The following AP5M1 variants were observed in gnomAD, a reference collection of about 807,000 sequenced individuals.
The protein encoded by AP5M1 is AP-5 complex subunit mu-1.
A neutral mutation model predicts 52.3 loss-of-function variants in AP5M1; 44 were observed. The ratio of observed to expected loss-of-function variants is 0.84; its 90% CI spans 0.66 to 1.08. The LOEUF is 1.08. Among genes scored for constraint, AP5M1 ranks in the 50% least tolerant of loss-of-function variants. The pLI, the probability that AP5M1 is intolerant of heterozygous loss-of-function variation, is 0.00. For missense variants in AP5M1, 526 were observed against 568.4 expected (o/e 0.93, Z 0.76); for synonymous variants, 213 against 199.0 (o/e 1.07, Z -0.59).
chr14:57,283,670 C>A (rs1297817031), intron 6 of AP5M1, among the ~76,000 whole-genome samples: 1 of 152,136 alleles, frequency 6.6e-6, no homozygotes, highest in African/African-American at 2.4e-5. Flanking sequence ...TAGTCTAATT[C>A]TACTCAGCTC....
chr14:57,286,104 GTTT>G, intron 6 of AP5M1, 116 bp from the exon 7 acceptor site: 4 of 664,398 alleles, frequency 6.0e-6, no homozygotes, highest in Non-Finnish European at 1.1e-5. Context: ...AGTACTTGTG[GTTT>G]TTATTTTGTG....
Position 57,288,936 on chromosome 14 carries a change from A to G in AP5M1, c.*52A>G, listed in dbSNP as rs763457730. On this transcript the variant is annotated 3_prime_UTR_variant, in exon 8 of 8. Transcript: ENST00000261558. The stretch of plus-strand genomic sequence containing the variant: ...TAATGATAACAGTTTAAAGAAAATC[A>G]TAATCTTATATTTTTAATGTGGATG... 5 of 1,125,080 alleles carry G rather than the reference A, an allele frequency of 4.4e-6. No individual in the cohort carries two copies. The highest frequency in any genetic ancestry group is 3.2e-5 in the African/African-American group (2 of 62,416). The allele number at this position is 1,125,080 out of a possible 1,614,324, so 69.7% of individuals were successfully genotyped here.
At chr14:57,269,540 A>G (rs1044870088) in intron 1 of AP5M1, 152 bp downstream of exon 1, 47 of 666,704 alleles carry the variant, frequency 7.0e-5, no homozygotes, top group Non-Finnish European at 1.2e-4. Flanking sequence ...TGTTAAATGG[A>G]GATTTTAATA....
chr14:57,269,196 A>T lies in AP5M1; in HGVS notation c.-119A>T, dbSNP rs140243229. 1,194 of 943,846 alleles carry T rather than the reference A, an allele frequency of 1.3e-3. 11 individuals are homozygous for T. In the African/African-American group the frequency reaches 0.016, roughly 13 times the overall value. 58.5% of individuals were successfully genotyped at this position (943,846 alleles called of 1,614,324 possible). A position where few individuals can be genotyped will look rare whatever the true frequency, so the allele number is the denominator to read the frequency against. On this transcript the variant is annotated 5_prime_UTR_variant, in exon 1 of 8. It removes an upstream start codon present in the reference 5' UTR. Coordinates refer to ENST00000261558, the MANE Select transcript of AP5M1 (RefSeq NM_018229.4). The stretch of plus-strand genomic sequence containing the variant: ...AACCTCTCTGCTGAGCGCGACCGGT[A>T]TGCGGCGCAGGATGAGCCTCAGGGC...
At chr14:57,281,675 G>A (rs549274928) in intron 3 of AP5M1, among the ~76,000 whole-genome samples, 27 of 152,356 alleles carry the variant, frequency 1.8e-4, no homozygotes, top group African/African-American at 6.5e-4. Flanking sequence ...CCTACAAGTT[G>A]TTTCCTCTTC....
intron 6 of AP5M1, among the ~76,000 whole-genome samples, chr14:57,283,738 C>T (rs1256767271): frequency 6.6e-6 from 1 of 152,188 alleles, no homozygotes; most frequent in Non-Finnish European, 1.5e-5. Context: ...ATAATCCCAG[C>T]ACTTTGGGAG....
chr14:57,283,977 ACT>A (rs1157911515), intron 6 of AP5M1, among the ~76,000 whole-genome samples: 1 of 152,136 alleles, frequency 6.6e-6, no homozygotes, highest in African/African-American at 2.4e-5. Flanking sequence ...ATAGAGTAAG[ACT>A]CTGTCTCAAA....
rs1273152345 is a variant in AP5M1 at position 57,280,328 on chromosome 14, T to G, written c.854T>G (p.Ile285Ser). The G allele has an allele frequency of 5.0e-6, 8 of 1,613,902 alleles. No homozygotes were observed. Among genetic ancestry groups the G allele is most frequent in the Admixed American group, 1.7e-5 (1 of 60,006 alleles). ...TCTGCAATTCTGACTTCTAGTAGTA[T>G]TGATGCAATGGATGACTCTGCATTT... ...LDSAILTSSS[I>S]DAMDDSAFSG... is the part of the protein sequence containing the mutation. The change falls in exon 3 of 8, where the codon ATT becomes AGT. Residue 285 changes from isoleucine (I) to serine (S), a missense_variant. By Grantham distance (142) the Ile-to-Ser change is moderately radical. Coordinates refer to ENST00000261558, the MANE Select transcript of AP5M1 (RefSeq NM_018229.4).
At chr14:57,282,841 C>T in intron 4 of AP5M1, 93 bp from the exon 5 acceptor site, 1 of 724,544 alleles carries the variant, frequency 1.4e-6, no homozygotes. Flanking sequence ...TTATGCTGTC[C>T]TTGTATTAAG....
rs1345521955 is a variant in AP5M1, at chr14:57,269,200, G to A, written c.-115G>A. On this transcript the variant is annotated 5_prime_UTR_variant, in exon 1 of 8. Transcript: ENST00000261558. ...TCTCTGCTGAGCGCGACCGGTATGC[G>A]GCGCAGGATGAGCCTCAGGGCTTCT... 3.1e-6 allele frequency: 3 copies of A among 982,200 alleles called. No homozygotes were observed. Among genetic ancestry groups the A allele is most frequent in the Non-Finnish European group, 4.7e-6 (3 of 644,228 alleles). 60.8% of individuals were successfully genotyped at this position (982,200 alleles called of 1,614,324 possible).
rs138142788 is a variant in AP5M1 at position 57,285,873 on chromosome 14, C to A, written c.1294-350C>A. The stretch of plus-strand genomic sequence containing the variant: ...GGTAAGGTCTGAGTTCAAATGCCAG[C>A]TCTGCTGCTTACGTGCTGGGATACC... On this transcript the variant is annotated intron_variant, in intron 6 of 7. Coordinates refer to ENST00000261558, the MANE Select transcript of AP5M1 (RefSeq NM_018229.4). Among the ~76,000 whole-genome samples, 27 of 152,224 alleles carry A rather than the reference C, an allele frequency of 1.8e-4. 1 individual carries two copies. The East Asian group carries it at 4.8e-3, about 27-fold the overall frequency.
In AP5M1 at chr14:57,274,908, A is replaced by C. The variant is rs555580108; in HGVS notation, c.720+19A>C. The C allele has an allele frequency of 4.3e-5, 69 of 1,613,762 alleles. 1 individual carries two copies. Among genetic ancestry groups the C allele is most frequent in the Admixed American group, 4.2e-4 (25 of 60,008 alleles). ...TTGCAAGGTGAGATTTTTCTCTGGT[A>C]CTTGCTTTATCGTTTTATTTAACAT... On this transcript the variant is annotated intron_variant, in intron 2 of 7. Transcript: ENST00000261558.
intron 4 of AP5M1, among the ~76,000 whole-genome samples, chr14:57,282,613 A>C (rs1342551581): frequency 6.6e-6 from 1 of 152,204 alleles, no homozygotes; most frequent in East Asian, 1.9e-4. Context: ...TCTGTAGCAT[A>C]GTTTTTTGTC....
In AP5M1 at chr14:57,295,480, A is replaced by G. The variant is rs1441170882; in HGVS notation, c.*6596A>G. The G allele has an allele frequency of 6.6e-6, 1 of 151,950 alleles. No individual in the cohort carries two copies. The highest frequency in any genetic ancestry group is 2.4e-5 in the African/African-American group (1 of 41,414). The allele number at this position is 151,950 out of a possible 1,614,324, so 9.4% of individuals were successfully genotyped here. ...AAACATTATTAAAGTGAATGTTTAC[A>G]TTGTGTTTATTGAAGTGTTGAAAGA... On this transcript the variant is annotated 3_prime_UTR_variant, in exon 8 of 8. Transcript: ENST00000261558.
chr14:57,283,500 G>T (rs1306655921), intron 6 of AP5M1, among the ~76,000 whole-genome samples: 1 of 152,142 alleles, frequency 6.6e-6, no homozygotes, highest in Non-Finnish European at 1.5e-5. Context: ...GAGGTGGGAG[G>T]ATCGCTCAAG....
At chr14:57,282,024 A>G in intron 3 of AP5M1, 65 bp from the exon 4 acceptor site, 2 of 1,361,734 alleles carry the variant, frequency 1.5e-6, no homozygotes, top group South Asian at 1.5e-5. Flanking sequence ...CTCTTTTCTC[A>G]GTTACTTTTG....
At position 57,288,972 on chromosome 14, in the gene AP5M1, G is replaced by A; in HGVS notation, c.*88G>A. Reference sequence around the variant, plus strand: ...TTTTTAATGTGGATGCATATAACCTGTGAGTGAAAAATCACTGAATGATTT... The same window carrying A: ...TTTTTAATGTGGATGCATATAACCTATGAGTGAAAAATCACTGAATGATTT... On this transcript the variant is annotated 3_prime_UTR_variant, in exon 8 of 8. Transcript: ENST00000261558. The A allele has an allele frequency of 1.3e-6, 1 of 743,178 alleles. No individual in the cohort carries two copies. The highest frequency in any genetic ancestry group is 2.9e-5 in the Admixed American group (1 of 34,514). The allele number at this position is 743,178 out of a possible 1,614,324, so 46.0% of individuals were successfully genotyped here. A position where few individuals can be genotyped will look rare whatever the true frequency, so the allele number is the denominator to read the frequency against.
At chr14:57,286,666 C>A in intron 7 of AP5M1, 1 of 181,506 alleles carries the variant, frequency 5.5e-6, no homozygotes, top group Non-Finnish European at 1.1e-5. Flanking sequence ...AGCTGTATAA[C>A]TTTGGGCAAG....
intron 7 of AP5M1, among the ~76,000 whole-genome samples, chr14:57,287,233 A>T (rs1338387053): frequency 6.6e-6 from 1 of 152,100 alleles, no homozygotes; most frequent in Non-Finnish European, 1.5e-5. Flanking sequence ...ACACATTTTT[A>T]TTATTATAGT....
Sources: gnomAD v4.1 joint callset for allele counts (sites outside exome capture counted in the v4.1 genomes callset) on GRCh38, gnomAD v4.1.1 for gene constraint, MANE v1.5 for transcripts, NCBI Gene and HGNC (gene_info 2026-07-23, HGNC 2026-07-21) for gene names.